Variants in LDB2 observed in about 807,000 individuals in gnomAD.
LDB2 encodes LIM domain-binding protein 2.
Under a neutral mutation model 44.3 loss-of-function variants are expected in LDB2, and 12 were observed. That is an observed-to-expected ratio of 0.27 (90% confidence interval 0.17 to 0.44). LDB2 has a LOEUF of 0.44. LDB2 is among the 20% of genes least tolerant of loss of function. The pLI is 1.00. For synonymous variants in LDB2, 164 were observed against 174.8 expected, an observed-to-expected ratio of 0.94 and a Z score of 0.49; for missense variants, 344 against 473.5, an observed-to-expected ratio of 0.73 and a Z score of 2.54.
intron 1 of LDB2, among the ~76,000 whole-genome samples, chr4:16,883,889 C>A (rs1013930664): frequency 6.6e-6 from 1 of 151,902 alleles, no homozygotes; most frequent in African/African-American, 2.4e-5. Context: ...CCTTGGCTTA[C>A]GGGAACTTTG....
chr4:16,842,085 C>T (rs1786001568), intron 1 of LDB2, among the ~76,000 whole-genome samples: 1 of 152,130 alleles, frequency 6.6e-6, no homozygotes, highest in Non-Finnish European at 1.5e-5. Context: ...AAGTTATCAT[C>T]CTTAAACATG....
chr4:16,702,804 T>C (rs1013230183), intron 2 of LDB2, among the ~76,000 whole-genome samples: 3 of 152,186 alleles, frequency 2.0e-5, no homozygotes, highest in Non-Finnish European at 4.4e-5. Context: ...CCATAACTTA[T>C]GGGCCACTCA....
chr4:16,669,714 T>C (rs1341071237), intron 2 of LDB2, among the ~76,000 whole-genome samples: 1 of 152,242 alleles, frequency 6.6e-6, no homozygotes, highest in Non-Finnish European at 1.5e-5. Flanking sequence ...AGAATTCTAA[T>C]CCAGCTAGTC....
intron 2 of LDB2, among the ~76,000 whole-genome samples, chr4:16,693,080 T>G (rs1191864062): frequency 6.6e-6 from 1 of 152,140 alleles, no homozygotes; most frequent in Non-Finnish European, 1.5e-5. Context: ...GCAAATAAAA[T>G]GAGTTTCGAG....
chr4:16,647,982 C>G, intron 2 of LDB2, among the ~76,000 whole-genome samples: 1 of 152,328 alleles, frequency 6.6e-6, no homozygotes, highest in Middle Eastern at 3.4e-3. Context: ...CTCTTTCCCA[C>G]AATGCATCTC....
chr4:16,742,682 G>A (rs77131424), intron 2 of LDB2, among the ~76,000 whole-genome samples: 5,172 of 152,158 alleles, frequency 0.034, 289 homozygotes, highest in Admixed American at 0.14. Flanking sequence ...AGCAGAGGAC[G>A]CTCATGGAAT....
chr4:16,672,148 G>A (rs1412437489), intron 2 of LDB2, among the ~76,000 whole-genome samples: 1 of 152,152 alleles, frequency 6.6e-6, no homozygotes, highest in Admixed American at 6.5e-5. Flanking sequence ...CCCTGTGAGG[G>A]AGGTATGACT....
intron 2 of LDB2, among the ~76,000 whole-genome samples, chr4:16,741,946 C>A (rs1323714323): frequency 6.6e-6 from 1 of 152,100 alleles, no homozygotes; most frequent in Non-Finnish European, 1.5e-5. Context: ...TTTAATGGAT[C>A]CCCAGAGGAA....
intron 1 of LDB2, among the ~76,000 whole-genome samples, chr4:16,791,065 C>T (rs1003926354): frequency 6.6e-6 from 1 of 152,192 alleles, no homozygotes; most frequent in Non-Finnish European, 1.5e-5. Context: ...TCATTATCAA[C>T]TACCAGGTTA....
At chr4:16,897,401 C>G (rs1725337810) in intron 1 of LDB2, among the ~76,000 whole-genome samples, 1 of 152,136 alleles carries the variant, frequency 6.6e-6, no homozygotes. Flanking sequence ...CACACAAAGC[C>G]CCAACTTACA....
At chr4:16,709,115 T>C (rs1356304612) in intron 2 of LDB2, among the ~76,000 whole-genome samples, 2 of 152,172 alleles carry the variant, frequency 1.3e-5, no homozygotes, top group Non-Finnish European at 2.9e-5. Context: ...CGAATTCTCA[T>C]TTCTTTGCCC....
intron 5 of LDB2, among the ~76,000 whole-genome samples, chr4:16,551,697 T>C (rs907787674): frequency 2.0e-5 from 3 of 152,144 alleles, no homozygotes; most frequent in East Asian, 3.9e-4. Context: ...TTTGTATTTT[T>C]AATAGAGAGG....
At chr4:16,571,871 AGACCAGG>A (rs1252816061) in intron 5 of LDB2, among the ~76,000 whole-genome samples, 1 of 152,246 alleles carries the variant, frequency 6.6e-6, no homozygotes, top group Non-Finnish European at 1.5e-5. Flanking sequence ...ATCTAGATCA[AGACCAGG>A]GACATTAGGT....
At chr4:16,513,386 G>A (rs1722533943) in intron 5 of LDB2, among the ~76,000 whole-genome samples, 1 of 152,162 alleles carries the variant, frequency 6.6e-6, no homozygotes, top group Admixed American at 6.5e-5. Context: ...TCCTTCTGCT[G>A]TATGGACTCA....
intron 2 of LDB2, among the ~76,000 whole-genome samples, chr4:16,598,877 C>CT (rs5856371): frequency 0.34 from 48,843 of 143,500 alleles, 8,500 homozygotes; most frequent in East Asian, 0.56. Flanking sequence ...TTCTTTCTTT[C>CT]TTTTTTTTTT....
At chr4:16,551,946 AT>A (rs1449979626) in intron 5 of LDB2, among the ~76,000 whole-genome samples, 1 of 152,016 alleles carries the variant, frequency 6.6e-6, no homozygotes, top group African/African-American at 2.4e-5. Context: ...TTTTTACATA[AT>A]TTTTTTTCCT....
chr4:16,505,975 C>T, intron 7 of LDB2: 1 of 1,551,556 alleles, frequency 6.4e-7, no homozygotes, highest in South Asian at 1.2e-5. Context: ...CGGGATCGCT[C>T]CTAGCCCCTG....
At chr4:16,551,397 G>T (rs1464234572) in intron 5 of LDB2, among the ~76,000 whole-genome samples, 1 of 152,194 alleles carries the variant, frequency 6.6e-6, no homozygotes, top group African/African-American at 2.4e-5. Flanking sequence ...AGGCACCTGT[G>T]TGTTTGAGAC....
At chr4:16,520,909 C>T (rs997914525) in intron 5 of LDB2, among the ~76,000 whole-genome samples, 8 of 152,292 alleles carry the variant, frequency 5.3e-5, no homozygotes, top group African/African-American at 1.9e-4. Flanking sequence ...TCTGATTCTA[C>T]AGCCATAATT....
Sources: allele counts gnomAD v4.1 joint callset (sites outside exome capture counted in the v4.1 genomes callset), GRCh38; gene constraint gnomAD v4.1.1; transcripts MANE v1.5; gene names NCBI Gene and HGNC (gene_info 2026-07-23, HGNC 2026-07-21).